PRLR: variants seen among roughly 807,000 people sequenced by gnomAD.
The protein encoded by PRLR is hPRL receptor.
In PRLR, 13 loss-of-function variants were observed where a neutral mutation model predicts 40.2. The observed-to-expected ratio is 0.32, with a 90% CI of 0.21 to 0.51. PRLR has a LOEUF of 0.51. Among genes scored for constraint, PRLR ranks in the 20% least tolerant of loss-of-function variants. The pLI, the probability that PRLR is intolerant of heterozygous loss-of-function variation, is 0.97. For missense variants in PRLR, 656 were observed against 747.3 expected (o/e 0.88, Z 1.42); for synonymous variants, 269 against 278.7 (o/e 0.97, Z 0.35).
chr5:35,179,247 G>C (rs1330221296), intron 1 of PRLR, among the ~76,000 whole-genome samples: 1 of 152,172 alleles, frequency 6.6e-6, no homozygotes, highest in African/African-American at 2.4e-5. Flanking sequence ...GCAAATGTTT[G>C]CTGGGCAAAT....
chr5:35,166,205 C>T (rs1451382831), intron 1 of PRLR, among the ~76,000 whole-genome samples: 1 of 152,096 alleles, frequency 6.6e-6, no homozygotes, highest in Non-Finnish European at 1.5e-5. Context: ...GTACTTCAAA[C>T]TAAATATGAA....
In PRLR at chr5:35,065,173, G is replaced by A; in HGVS notation, c.1785C>T (p.Phe595=). 1 of 1,614,210 alleles carries A rather than the reference G, an allele frequency of 6.2e-7. No homozygotes were observed. The highest frequency in any genetic ancestry group is 8.5e-7 in the Non-Finnish European group (1 of 1,180,032). The change falls in exon 10 of 10, where the codon TTC becomes TTT. Residue 595 remains phenylalanine, a synonymous_variant. Coordinates refer to ENST00000618457, the MANE Select transcript of PRLR (RefSeq NM_000949.7). ...QNQAEKALAN[F]TATSSKCRLQ... is the part of the protein sequence containing the mutation. ...GCCTGCACTTGCTTGATGTTGCAGT[G>A]AAGTTGGCCAGGGCTTTCTCAGCTT...
intron 1 of PRLR, among the ~76,000 whole-genome samples, chr5:35,222,561 G>A (rs567776971): frequency 1.3e-5 from 2 of 152,248 alleles, no homozygotes; most frequent in East Asian, 1.9e-4. Flanking sequence ...CGGGGCTCTC[G>A]GGACCACTGT....
rs1768836890 is a variant in PRLR, at chr5:35,058,337, G to T, written c.*6752C>A. ...AGAAGACACAGTCACCCAACAGGCT[G>T]GTTCTAGATTGCTTTGGTTTCCACA... On this transcript the variant is annotated 3_prime_UTR_variant, in exon 10 of 10. Coordinates refer to ENST00000618457, the MANE Select transcript of PRLR (RefSeq NM_000949.7). 1 of 152,166 alleles carries T rather than the reference G, an allele frequency of 6.6e-6. No individual in the cohort carries two copies. The highest frequency in any genetic ancestry group is 1.5e-5 in the Non-Finnish European group (1 of 68,030). 9.4% of individuals were successfully genotyped at this position (152,166 alleles called of 1,614,324 possible). A position where few individuals can be genotyped will look rare whatever the true frequency, so the allele number is the denominator to read the frequency against.
At chr5:35,150,235 T>G (rs888434125) in intron 1 of PRLR, among the ~76,000 whole-genome samples, 1 of 152,212 alleles carries the variant, frequency 6.6e-6, no homozygotes, top group African/African-American at 2.4e-5. Flanking sequence ...AGAGCCCACT[T>G]CTTTCTCTTT....
chr5:35,194,596 G>A (rs1775686083), intron 1 of PRLR, among the ~76,000 whole-genome samples: 1 of 152,310 alleles, frequency 6.6e-6, no homozygotes, highest in East Asian at 1.9e-4. Flanking sequence ...TGCTAAAACG[G>A]AGAGAAGCTA....
At chr5:35,187,111 A>T (rs1775460219) in intron 1 of PRLR, among the ~76,000 whole-genome samples, 1 of 152,108 alleles carries the variant, frequency 6.6e-6, no homozygotes, top group Non-Finnish European at 1.5e-5. Context: ...CTACTTCAGA[A>T]GGGTGCTGGT....
chr5:35,189,532 G>A (rs1415737661), intron 1 of PRLR, among the ~76,000 whole-genome samples: 1 of 151,458 alleles, frequency 6.6e-6, no homozygotes, highest in Admixed American at 6.6e-5. Context: ...AGTGAGCTGA[G>A]ATCGTGCCAC....
intron 2 of PRLR, among the ~76,000 whole-genome samples, chr5:35,094,939 C>T (rs1300058286): frequency 2.0e-5 from 3 of 151,680 alleles, no homozygotes; most frequent in East Asian, 1.9e-4. Flanking sequence ...GTGATTCTCC[C>T]ACCTCAGCCT....
chr5:35,065,305 C>T lies in PRLR; in HGVS notation c.1653G>A (p.Gly551=). ...ACACCAGGATGTTGTTATCCATGAC[C>T]CCGGACACCTTGGCATACTCCTTAT... ...ENNKEYAKVS[G]VMDNNILVLV... is the part of the protein sequence containing the mutation. Residue 551 remains glycine (G), a synonymous_variant, in exon 10 of 10, where the codon GGG becomes GGA. Transcript: ENST00000618457. 1 of 1,614,074 alleles carries T rather than the reference C, an allele frequency of 6.2e-7. No homozygotes were observed. Among genetic ancestry groups the T allele is most frequent in the Non-Finnish European group, 8.5e-7 (1 of 1,179,998 alleles).
intron 2 of PRLR, among the ~76,000 whole-genome samples, chr5:35,092,178 T>C (rs1226786118): frequency 2.0e-5 from 3 of 152,176 alleles, no homozygotes; most frequent in East Asian, 3.8e-4. Flanking sequence ...GGAAGTATTC[T>C]ATGAATGAAA....
In PRLR at chr5:35,055,858, G is replaced by A. The variant is rs916574054; in HGVS notation, c.*9231C>T. On this transcript the variant is annotated 3_prime_UTR_variant, in exon 10 of 10. Coordinates refer to ENST00000618457, the MANE Select transcript of PRLR (RefSeq NM_000949.7). ...ATATAAAGTAAAACTACTGGCAAACGTCATTTAAGCTTACCCTGTAATTTT... is the reference window on the plus strand; with the variant it reads ...ATATAAAGTAAAACTACTGGCAAACATCATTTAAGCTTACCCTGTAATTTT... The A allele has an allele frequency of 2.6e-5, 4 of 152,274 alleles. No homozygotes were observed. The highest frequency in any genetic ancestry group is 2.1e-4 in the South Asian group (1 of 4,822). The allele number at this position is 152,274 out of a possible 1,614,324, so 9.4% of individuals were successfully genotyped here.
chr5:35,179,896 A>G (rs1230941834), intron 1 of PRLR, among the ~76,000 whole-genome samples: 3 of 152,182 alleles, frequency 2.0e-5, no homozygotes, highest in Admixed American at 6.5e-5. Context: ...GGGATGATTC[A>G]AGCACATTAC....
intron 1 of PRLR, among the ~76,000 whole-genome samples, chr5:35,228,333 T>C (rs997780589): frequency 4.0e-5 from 6 of 151,232 alleles, no homozygotes; most frequent in Non-Finnish European, 7.4e-5. Context: ...GGAGTCAAGA[T>C]CTGAAGCCCA....
intron 2 of PRLR, among the ~76,000 whole-genome samples, chr5:35,099,299 T>C (rs554945312): frequency 2.0e-5 from 3 of 152,130 alleles, no homozygotes; most frequent in Admixed American, 6.5e-5. Flanking sequence ...AAGATGACAA[T>C]GGGGCTGAAA....
At chr5:35,147,922 TAGA>T (rs1014665720) in intron 1 of PRLR, among the ~76,000 whole-genome samples, 1 of 152,094 alleles carries the variant, frequency 6.6e-6, no homozygotes, top group African/African-American at 2.4e-5. Context: ...GGTGAATCCA[TAGA>T]AGAAATTAGA....
intron 2 of PRLR, 57 bp downstream of exon 2, chr5:35,118,004 G>C (rs866169856): frequency 1.1e-6 from 1 of 890,368 alleles, no homozygotes; most frequent in Admixed American, 6.2e-5. Context: ...TGGATGAAAC[G>C]GACAGTGGGG....
chr5:35,066,272 A>AT lies in PRLR; in HGVS notation c.856-171dup, dbSNP rs796177501. On this transcript the variant is annotated intron_variant, in intron 9 of 9. Transcript: ENST00000618457. Reference sequence around the variant, plus strand: ...TCACCTTCTGGATACTATTCAGCAGATTTTTTTTTTTAAAGTCAACTCAGG... The same window carrying AT: ...TCACCTTCTGGATACTATTCAGCAGATTTTTTTTTTTTAAAGTCAACTCAGG... 6.1e-3 allele frequency among the ~76,000 whole-genome samples: 912 copies of AT among 148,444 alleles called. 8 individuals carry two copies. The highest frequency in any genetic ancestry group is 0.012 in the African/African-American group (501 of 40,290).
chr5:35,156,391 G>A (rs1774507771), intron 1 of PRLR, among the ~76,000 whole-genome samples: 1 of 152,036 alleles, frequency 6.6e-6, no homozygotes, highest in Non-Finnish European at 1.5e-5. Flanking sequence ...TTTAATACAG[G>A]AGCCAGAATA....
Sources: gnomAD v4.1 joint callset for allele counts (sites outside exome capture counted in the v4.1 genomes callset) on GRCh38, gnomAD v4.1.1 for gene constraint, MANE v1.5 for transcripts, NCBI Gene and HGNC (gene_info 2026-07-23, HGNC 2026-07-21) for gene names.